EXOC6B: variants seen among roughly 807,000 people sequenced by gnomAD.
The protein encoded by EXOC6B is SEC15 homolog B.
EXOC6B carries 54 observed loss-of-function variants against 113.5 expected under a neutral mutation model. The ratio of observed to expected loss-of-function variants is 0.48; its 90% CI spans 0.38 to 0.60. The LOEUF (loss-of-function observed/expected upper bound fraction) is 0.60, where lower values mean the gene tolerates loss of function less well. Ranked by LOEUF, EXOC6B falls within the 20% of genes least tolerant of loss-of-function variation. The pLI is 0.00. For missense variants in EXOC6B, 797 were observed against 977.5 expected (o/e 0.82, Z 2.46); for synonymous variants, 357 against 339.0 (o/e 1.05, Z -0.58).
rs75691336 is a variant in EXOC6B, at chr2:72,718,301, A to G, written c.471T>C (p.Tyr157=). ...LRDQMKTKRH[Y]PALKTLEHLE... Reference sequence around the variant, plus strand: ...GATGTTCCAGAGTTTTCAGTGCAGGATAATGCCTACAAAAGGAATTGATCA... The same window carrying G: ...GATGTTCCAGAGTTTTCAGTGCAGGGTAATGCCTACAAAAGGAATTGATCA... The change falls in exon 6 of 22, where the codon TAT becomes TAC. Residue 157 remains tyrosine, a synonymous_variant. Transcript: ENST00000272427. 1.5e-4 allele frequency: 242 copies of G among 1,613,576 alleles called. 1 individual carries two copies. In the East Asian group the frequency reaches 4.1e-3, roughly 27 times the overall value.
intron 6 of EXOC6B, among the ~76,000 whole-genome samples, chr2:72,710,629 G>T (rs1679212095): frequency 6.6e-6 from 1 of 152,130 alleles, no homozygotes; most frequent in Admixed American, 6.5e-5. Context: ...GCATACAAGA[G>T]GCTTCAACAA....
rs58047422 is a variant in EXOC6B at position 72,208,673 on chromosome 2, C to A, written c.2197-24486G>T. 5.8e-3 allele frequency among the ~76,000 whole-genome samples: 882 copies of A among 152,220 alleles called. 8 individuals carry two copies. Among genetic ancestry groups the A allele is most frequent in the African/African-American group, 0.02 (829 of 41,536 alleles). ...GTCTCATCTTAACCCTTTTCTAGAA[C>A]CTAAGATCCAGCCCTCTGCCTCAGA... is the stretch of plus-strand genomic sequence containing the variant. On this transcript the variant is annotated intron_variant, in intron 20 of 21. Transcript: ENST00000272427.
At chr2:72,361,910 G>A (rs1012770724) in intron 19 of EXOC6B, among the ~76,000 whole-genome samples, 7 of 152,176 alleles carry the variant, frequency 4.6e-5, no homozygotes, top group African/African-American at 1.7e-4. Context: ...CTTTCAGTCA[G>A]AGTGAGGAGG....
At chr2:72,686,379 C>T (rs1020833091) in intron 6 of EXOC6B, among the ~76,000 whole-genome samples, 2 of 152,088 alleles carry the variant, frequency 1.3e-5, no homozygotes, top group African/African-American at 4.8e-5. Context: ...TAGAATAAAA[C>T]AAACAGTACC....
intron 20 of EXOC6B, among the ~76,000 whole-genome samples, chr2:72,220,726 C>T (rs923693684): frequency 2.0e-5 from 3 of 152,156 alleles, no homozygotes; most frequent in East Asian, 3.9e-4. Flanking sequence ...CTCTAAAGAA[C>T]GATGAAGACA....
intron 20 of EXOC6B, among the ~76,000 whole-genome samples, chr2:72,228,831 G>A (rs1271536574): frequency 2.0e-5 from 3 of 152,112 alleles, no homozygotes; most frequent in Admixed American, 1.3e-4. Context: ...GATCCCTGAG[G>A]AATCGCCACA....
At chr2:72,242,037 T>A (rs114765752) in intron 20 of EXOC6B, among the ~76,000 whole-genome samples, 1 of 151,860 alleles carries the variant, frequency 6.6e-6, no homozygotes, top group Non-Finnish European at 1.5e-5. Flanking sequence ...ACCTCGTCTC[T>A]ACAAAAAAAT....
At chr2:72,182,495 T>C (rs1253615916) in intron 21 of EXOC6B, among the ~76,000 whole-genome samples, 1 of 152,112 alleles carries the variant, frequency 6.6e-6, no homozygotes, top group Non-Finnish European at 1.5e-5. Context: ...AAGGGTCTTC[T>C]ATAAGAGATG....
At position 72,825,879 on chromosome 2, in the gene EXOC6B, C is replaced by A; in HGVS notation, c.32G>T (p.Ser11Ile). Residue 11 changes from serine to isoleucine, a missense_variant, in exon 1 of 22, where the codon AGC becomes ATC. Ser to Ile is a moderately radical substitution (Grantham distance 142, BLOSUM62 -2). Transcript: ENST00000272427. This position sits in a 1 kb window ranked among gnomAD's most constrained non-coding sequence, Gnocchi z 4.4. The part of the protein sequence containing the change: MERGKMAEAE[S>I]LETAAEHERI... ...CTCGTGCTCTGCCGCTGTCTCCAGGCTCTCCGCCTCCGCCATCTTACCCCG... is the reference window on the plus strand; with the variant it reads ...CTCGTGCTCTGCCGCTGTCTCCAGGATCTCCGCCTCCGCCATCTTACCCCG... 4 of 1,613,472 alleles carry A rather than the reference C, an allele frequency of 2.5e-6. No homozygotes were observed. Among genetic ancestry groups the A allele is most frequent in the Non-Finnish European group, 3.4e-6 (4 of 1,179,736 alleles).
At chr2:72,748,491 T>G (rs1681838814) in intron 1 of EXOC6B, among the ~76,000 whole-genome samples, 1 of 152,000 alleles carries the variant, frequency 6.6e-6, no homozygotes. Flanking sequence ...TCTGGGTGCA[T>G]AACGATGAAG....
intron 6 of EXOC6B, among the ~76,000 whole-genome samples, chr2:72,671,928 GAGAA>G (rs1284017291): frequency 6.6e-6 from 1 of 151,510 alleles, no homozygotes; most frequent in Non-Finnish European, 1.5e-5. Context: ...AAGAAAGAAA[GAGAA>G]AGAAAAAAGA....
chr2:72,279,640 G>C (rs1685010858), intron 20 of EXOC6B, among the ~76,000 whole-genome samples: 1 of 152,090 alleles, frequency 6.6e-6, no homozygotes, highest in Non-Finnish European at 1.5e-5. Flanking sequence ...TTGAGACAAG[G>C]TCTGGCTCTG....
At chr2:72,271,079 T>C (rs907861800) in intron 20 of EXOC6B, among the ~76,000 whole-genome samples, 3 of 152,200 alleles carry the variant, frequency 2.0e-5, no homozygotes, top group African/African-American at 7.2e-5. Context: ...ACAGTGCCTA[T>C]TGTTTTAGCA....
chr2:72,636,586 A>G (rs1672850831), intron 6 of EXOC6B, among the ~76,000 whole-genome samples: 1 of 152,204 alleles, frequency 6.6e-6, no homozygotes. Flanking sequence ...AAAAAGCACC[A>G]TATGATCAAA....
intron 8 of EXOC6B, among the ~76,000 whole-genome samples, chr2:72,552,977 C>G (rs182600782): frequency 6.6e-6 from 1 of 151,960 alleles, no homozygotes; most frequent in Admixed American, 6.5e-5. Flanking sequence ...TATCACCTTA[C>G]TGAACAACAA....
At position 72,463,088 on chromosome 2, in the gene EXOC6B, A is replaced by G. The variant is rs1443904886; in HGVS notation, c.1980+2072T>C. ...TAGTAATATGATAAATTATATTAAC[A>G]TATTTTTTTAAAATATCAAACCATC... On this transcript the variant is annotated intron_variant, in intron 18 of 21. Coordinates refer to ENST00000272427, the MANE Select transcript of EXOC6B (RefSeq NM_015189.3). The G allele has an allele frequency of 5.9e-5, 9 of 152,286 alleles. No homozygotes were observed. In the South Asian group the frequency reaches 1.9e-3, roughly 32 times the overall value. 9.4% of individuals were successfully genotyped at this position (152,286 alleles called of 1,614,324 possible).
intron 20 of EXOC6B, among the ~76,000 whole-genome samples, chr2:72,291,017 T>C (rs1685752597): frequency 1.3e-5 from 2 of 152,178 alleles, no homozygotes; most frequent in Admixed American, 1.3e-4. Context: ...ACATTATCTT[T>C]TAAGTTCCAG....
chr2:72,623,477 T>C (rs751526927), intron 6 of EXOC6B, among the ~76,000 whole-genome samples: 1 of 152,194 alleles, frequency 6.6e-6, no homozygotes, highest in Non-Finnish European at 1.5e-5. Context: ...TTACCTCTAT[T>C]GAGTTTAGGC....
At chr2:72,631,648 G>A (rs576055262) in intron 6 of EXOC6B, among the ~76,000 whole-genome samples, 97 of 151,788 alleles carry the variant, frequency 6.4e-4, no homozygotes, top group African/African-American at 2.2e-3. Context: ...GGGACTACAG[G>A]CATGCACCAC....
Sources: gnomAD v4.1 joint callset for allele counts (sites outside exome capture counted in the v4.1 genomes callset) on GRCh38, gnomAD v4.1.1 for gene constraint, Gnocchi (gnomAD v3.1) non-coding constraint, MANE v1.5 for transcripts, NCBI Gene and HGNC (gene_info 2026-07-23, HGNC 2026-07-21) for gene names.